Variants in SEC24B observed in about 807,000 individuals in gnomAD.
SEC24B encodes the protein SEC24 homolog B, COPII component, also known as protein transport protein Sec24B.
A neutral mutation model predicts 142.8 loss-of-function variants in SEC24B; 45 were observed. The ratio of observed to expected loss-of-function variants is 0.32; its 90% CI spans 0.25 to 0.40. SEC24B has a LOEUF of 0.40. Ranked by LOEUF, SEC24B falls within the 10% of genes least tolerant of loss-of-function variation. The pLI is 1.00. For synonymous variants in SEC24B, 574 were observed against 568.2 expected (o/e 1.01, Z -0.15); for missense variants, 1,409 against 1,526.8 (o/e 0.92, Z 1.29).
intron 6 of SEC24B, among the ~76,000 whole-genome samples, chr4:109,496,578 G>A (rs1735566454): frequency 6.6e-6 from 1 of 152,200 alleles, no homozygotes. Context: ...CAAGACTAAA[G>A]TAGAAGGATT....
chr4:109,481,417 A>G (rs1224768504), intron 3 of SEC24B, among the ~76,000 whole-genome samples: 1 of 152,218 alleles, frequency 6.6e-6, no homozygotes, highest in Non-Finnish European at 1.5e-5. Context: ...AGCTTCCTAA[A>G]TACTAACTGT....
intron 1 of SEC24B, among the ~76,000 whole-genome samples, chr4:109,460,198 A>T (rs1731113543): frequency 6.6e-6 from 1 of 152,194 alleles, no homozygotes; most frequent in South Asian, 2.1e-4. Flanking sequence ...TATATATTAC[A>T]TGACCAGAAA....
intron 16 of SEC24B, among the ~76,000 whole-genome samples, chr4:109,525,850 G>A (rs1440288175): frequency 6.6e-6 from 1 of 151,768 alleles, no homozygotes; most frequent in Non-Finnish European, 1.5e-5. Flanking sequence ...ACACTTCCTT[G>A]GTTTTATGTG....
At chr4:109,506,782 A>AT (rs1398533807) in intron 7 of SEC24B, among the ~76,000 whole-genome samples, 3 of 152,118 alleles carry the variant, frequency 2.0e-5, no homozygotes, top group Non-Finnish European at 2.9e-5. Context: ...ATATAACTAT[A>AT]TTTTTTATTT....
At chr4:109,489,596 A>C in intron 4 of SEC24B, among the ~76,000 whole-genome samples, 1 of 147,020 alleles carries the variant, frequency 6.8e-6, no homozygotes. Flanking sequence ...CTTTCATATA[A>C]ATAGAATTAT....
intron 19 of SEC24B, 62 bp from the exon 20 acceptor site, chr4:109,531,319 ATTTG>A (rs1724906342): frequency 7.4e-7 from 1 of 1,348,684 alleles, no homozygotes; most frequent in Admixed American, 1.9e-5. Flanking sequence ...GACAGTGTAT[ATTTG>A]TTTTAATATT....
chr4:109,532,272 T>C (rs1206851691), intron 20 of SEC24B, among the ~76,000 whole-genome samples: 1 of 152,128 alleles, frequency 6.6e-6, no homozygotes, highest in Non-Finnish European at 1.5e-5. Context: ...CTTCCCTGTG[T>C]GAAAACTGTA....
chr4:109,509,927 A>T, intron 7 of SEC24B, 82 bp from the exon 8 acceptor site: 1 of 788,966 alleles, frequency 1.3e-6, no homozygotes, highest in Non-Finnish European at 2.0e-6. Context: ...TTATGTCCTT[A>T]AATGTTCTTA....
At position 109,539,980 on chromosome 4, in the gene SEC24B, G is replaced by A. The variant is rs1726015314; in HGVS notation, c.*305G>A. The stretch of plus-strand genomic sequence containing the variant: ...CAAGCTGGCAAATTTATGTAGCTAT[G>A]TGGAATGATATGTCATAATGTAAAA... On this transcript the variant is annotated 3_prime_UTR_variant, in exon 24 of 24. Transcript: ENST00000265175. 1 of 233,168 alleles carries A rather than the reference G, an allele frequency of 4.3e-6. No homozygotes were observed. The highest frequency in any genetic ancestry group is 8.2e-6 in the Non-Finnish European group (1 of 122,494). The allele number at this position is 233,168 out of a possible 1,614,324, so 14.4% of individuals were successfully genotyped here. A position where few individuals can be genotyped will look rare whatever the true frequency, so the allele number is the denominator to read the frequency against.
intron 1 of SEC24B, among the ~76,000 whole-genome samples, chr4:109,451,244 G>T (rs1025657612): frequency 2.0e-5 from 3 of 152,154 alleles, no homozygotes; most frequent in Non-Finnish European, 4.4e-5. Context: ...GGGAGACAGG[G>T]TCTTGCTCCA....
chr4:109,467,325 C>CAAAAAA (rs70949083), intron 2 of SEC24B, among the ~76,000 whole-genome samples: 2 of 59,842 alleles, frequency 3.3e-5, no homozygotes, highest in Admixed American at 1.7e-4. Context: ...GACTCCGTCT[C>CAAAAAA]AAAAAAAAAA....
chr4:109,513,901 G>T, intron 10 of SEC24B, 45 bp downstream of exon 10: 4 of 1,227,902 alleles, frequency 3.3e-6, no homozygotes, highest in African/African-American at 1.5e-5. Flanking sequence ...CAATTACATT[G>T]GTCATTTGTA....
At chr4:109,484,542 AAG>A (rs753334879) in intron 4 of SEC24B, among the ~76,000 whole-genome samples, 3 of 152,144 alleles carry the variant, frequency 2.0e-5, no homozygotes, top group Non-Finnish European at 2.9e-5. Context: ...AAAGAAAAAA[AAG>A]AGAGAGAGAT....
At chr4:109,516,766 C>G (rs1722979893) in intron 11 of SEC24B, 126 bp downstream of exon 11, 1 of 504,888 alleles carries the variant, frequency 2.0e-6, no homozygotes, top group Non-Finnish European at 3.5e-6. Flanking sequence ...AAGAGTACTA[C>G]TTATGTACCA....
intron 1 of SEC24B, among the ~76,000 whole-genome samples, chr4:109,437,663 C>T (rs181253008): frequency 6.6e-4 from 101 of 152,224 alleles, no homozygotes; most frequent in African/African-American, 2.3e-3. Context: ...CTCGCTGTGT[C>T]GCCCAGGCTG....
chr4:109,486,360 T>A (rs115721481), intron 4 of SEC24B, among the ~76,000 whole-genome samples: 2,338 of 152,298 alleles, frequency 0.015, 42 homozygotes, highest in African/African-American at 0.04. Context: ...CTAGTAAGTA[T>A]ATTGCCTTTG....
At chr4:109,477,375 G>A (rs1733287268) in intron 3 of SEC24B, among the ~76,000 whole-genome samples, 1 of 151,904 alleles carries the variant, frequency 6.6e-6, no homozygotes, top group African/African-American at 2.4e-5. Flanking sequence ...CTGGAGTGCA[G>A]TAGCTCAGCT....
At chr4:109,523,834 CT>C (rs1723927308) in intron 14 of SEC24B, among the ~76,000 whole-genome samples, 1 of 152,126 alleles carries the variant, frequency 6.6e-6, no homozygotes, top group Admixed American at 6.5e-5. Context: ...TAATCAACTT[CT>C]CTTCTTAAGG....
chr4:109,506,666 G>C (rs1021231198), intron 7 of SEC24B, among the ~76,000 whole-genome samples, 154 bp downstream of exon 7: 1 of 151,964 alleles, frequency 6.6e-6, no homozygotes, highest in East Asian at 1.9e-4. Context: ...ATTTGACTTA[G>C]GTCATCTCTT....
Sources: allele counts gnomAD v4.1 joint callset (sites outside exome capture counted in the v4.1 genomes callset), GRCh38; gene constraint gnomAD v4.1.1; transcripts MANE v1.5; gene names NCBI Gene and HGNC (gene_info 2026-07-23, HGNC 2026-07-21).